UNC13C: variants seen among roughly 807,000 people sequenced by gnomAD.
UNC13C encodes the protein protein unc-13 homolog C.
Under a neutral mutation model 245.4 loss-of-function variants are expected in UNC13C, and 174 were observed. The ratio of observed to expected loss-of-function variants is 0.71; its 90% CI spans 0.63 to 0.80. The LOEUF (loss-of-function observed/expected upper bound fraction) is 0.80. UNC13C is among the 30% of genes least tolerant of loss of function. The probability of loss-of-function intolerance (pLI) is 0.00; values close to 1 mark genes in which losing one functional copy is unlikely to be tolerated. For missense variants in UNC13C, 2,829 were observed against 2,602.9 expected, an observed-to-expected ratio of 1.09 and a Z score of -1.89; for synonymous variants, 992 against 895.1, an observed-to-expected ratio of 1.11 and a Z score of -1.93.
At chr15:54,583,273 T>C (rs8028630) in intron 30 of UNC13C, among the ~76,000 whole-genome samples, 97,747 of 152,032 alleles carry the variant, frequency 0.64, 32,078 homozygotes, top group African/African-American at 0.74. Flanking sequence ...AAAATCAGAA[T>C]AGGAACATAT....
At position 54,596,627 on chromosome 15, in the gene UNC13C, G is replaced by A. The variant is rs74908675; in HGVS notation, c.6107-25700G>A. Among the ~76,000 whole-genome samples the A allele has an allele frequency of 7.3e-3, 1,109 of 152,264 alleles. 16 individuals carry two copies. The highest frequency in any genetic ancestry group is 0.026 in the African/African-American group (1,074 of 41,540). ...TTGAATATTTTGTCTTTTCCAACTC[G>A]CATGTTGACACGTGATCCCCCAGTG... On this transcript the variant is annotated intron_variant, in intron 30 of 32. Coordinates refer to ENST00000260323, the MANE Select transcript of UNC13C (RefSeq NM_001080534.3).
chr15:54,406,354 A>G (rs532424277), intron 18 of UNC13C, among the ~76,000 whole-genome samples: 1 of 152,262 alleles, frequency 6.6e-6, no homozygotes, highest in African/African-American at 2.4e-5. Context: ...CACCTCTCAC[A>G]TAAGGATCTT....
chr15:54,632,887 C>T (rs916413963), downstream of UNC13C: 1 of 152,248 alleles, frequency 6.6e-6, no homozygotes, highest in African/African-American at 2.4e-5. Context: ...AACAGCCAGC[C>T]AGGCACGGTG....
At chr15:54,135,765 T>C (rs925086560) in intron 2 of UNC13C, among the ~76,000 whole-genome samples, 3 of 152,210 alleles carry the variant, frequency 2.0e-5, no homozygotes, top group African/African-American at 7.2e-5. Flanking sequence ...TCTTTAAAGA[T>C]TGCTTTGGCT....
chr15:54,285,887 A>AT lies in UNC13C; in HGVS notation c.3819-8000dup, dbSNP rs543341800. On this transcript the variant is annotated intron_variant, in intron 10 of 32. Coordinates refer to ENST00000260323, the MANE Select transcript of UNC13C (RefSeq NM_001080534.3). ...CAGTAGTTACTTATTTTATTTATTT[A>AT]TTTTTTTTAAGACAGAGTCTCGTTC... Among the ~76,000 whole-genome samples, 34 of 151,470 alleles carry AT rather than the reference A, an allele frequency of 2.2e-4. No individual in the cohort carries two copies. The South Asian group carries it at 3.1e-3, about 14-fold the overall frequency.
At chr15:54,437,454 A>G (rs187528001) in intron 19 of UNC13C, among the ~76,000 whole-genome samples, 5 of 152,056 alleles carry the variant, frequency 3.3e-5, no homozygotes, top group East Asian at 3.9e-4. Context: ...AGTCTAATCT[A>G]TGACTGATTT....
At chr15:53,873,692 C>A in the UNC13C span, among the ~76,000 whole-genome samples, 1 of 6,202 alleles carries the variant, frequency 1.6e-4, no homozygotes, top group South Asian at 7.1e-3. Context: ...GGGTACTGAG[C>A]AACACCTCCC....
chr15:54,129,376 A>C (rs887266629), intron 2 of UNC13C, among the ~76,000 whole-genome samples: 38 of 152,324 alleles, frequency 2.5e-4, no homozygotes, highest in Admixed American at 2.2e-3. Flanking sequence ...TATCAAGCTT[A>C]TACTAGCCTT....
rs901218670 is a variant in UNC13C at position 54,585,569 on chromosome 15, G to T, written c.6106+17622G>T. ...GGGACATGTAGGTATTAATTTAACA[G>T]ATGCTTATATATTGCCTGTATTCTC... On this transcript the variant is annotated intron_variant, in intron 30 of 32. Coordinates refer to ENST00000260323, the MANE Select transcript of UNC13C (RefSeq NM_001080534.3). 3.3e-5 allele frequency among the ~76,000 whole-genome samples: 5 copies of T among 152,302 alleles called. No individual in the cohort carries two copies. In the East Asian group the frequency reaches 7.7e-4, roughly 24 times the overall value.
chr15:53,865,886 T>C, the UNC13C span, among the ~76,000 whole-genome samples: 1 of 152,062 alleles, frequency 6.6e-6, no homozygotes, highest in African/African-American at 2.4e-5. Flanking sequence ...ATACAAAAAA[T>C]TGATTACATA....
the UNC13C span, among the ~76,000 whole-genome samples, chr15:53,949,603 C>A: frequency 6.6e-6 from 1 of 152,022 alleles, no homozygotes; most frequent in African/African-American, 2.4e-5. Flanking sequence ...TTATATATCC[C>A]AGGTTTGGAG....
At chr15:54,613,034 G>T (rs2141292557) in intron 30 of UNC13C, among the ~76,000 whole-genome samples, 1 of 151,838 alleles carries the variant, frequency 6.6e-6, no homozygotes, top group South Asian at 2.1e-4. Context: ...ATTATTATTT[G>T]TCTCTCAAGA....
the UNC13C span, among the ~76,000 whole-genome samples, chr15:53,918,640 G>C: frequency 3.3e-5 from 5 of 152,180 alleles, no homozygotes; most frequent in African/African-American, 1.2e-4. Context: ...ATTGTCTAAG[G>C]ATAGTGGAGA....
chr15:53,967,751 G>A, the UNC13C span, among the ~76,000 whole-genome samples: 1 of 152,184 alleles, frequency 6.6e-6, no homozygotes, highest in Admixed American at 6.5e-5. Context: ...CTTTAGTGAA[G>A]TATTTGCCAA....
chr15:53,880,258 G>C, the UNC13C span, among the ~76,000 whole-genome samples: 1 of 152,108 alleles, frequency 6.6e-6, no homozygotes, highest in East Asian at 1.9e-4. Flanking sequence ...GTTTTACTAG[G>C]ATCTGAGAAC....
intron 19 of UNC13C, among the ~76,000 whole-genome samples, chr15:54,439,680 G>A (rs761254600): frequency 6.6e-6 from 1 of 151,656 alleles, no homozygotes; most frequent in Non-Finnish European, 1.5e-5. Context: ...ACATATTTAT[G>A]GGGTACATGT....
At chr15:54,453,322 C>G (rs759526716) in intron 19 of UNC13C, among the ~76,000 whole-genome samples, 1 of 152,108 alleles carries the variant, frequency 6.6e-6, no homozygotes, top group African/African-American at 2.4e-5. Context: ...CTTCTCTGTC[C>G]TTCCTTCTTT....
At chr15:54,368,025 G>A (rs2039404314) in intron 17 of UNC13C, among the ~76,000 whole-genome samples, 1 of 152,102 alleles carries the variant, frequency 6.6e-6, no homozygotes, top group South Asian at 2.1e-4. Flanking sequence ...TGCAACTAGG[G>A]TTCACTAGGC....
intron 30 of UNC13C, among the ~76,000 whole-genome samples, chr15:54,570,282 T>C (rs1451425624): frequency 6.6e-6 from 1 of 152,178 alleles, no homozygotes; most frequent in African/African-American, 2.4e-5. Context: ...TGGCTAGCCC[T>C]CTGGAATGGG....
Sources: allele counts gnomAD v4.1 joint callset (sites outside exome capture counted in the v4.1 genomes callset), GRCh38; gene constraint gnomAD v4.1.1; transcripts MANE v1.5; gene names NCBI Gene and HGNC (gene_info 2026-07-23, HGNC 2026-07-21).